The following LIN9 variants were observed in gnomAD, a reference collection of about 807,000 sequenced individuals.
LIN9 encodes protein lin-9 homolog.
In LIN9, 18 loss-of-function variants were observed where a neutral mutation model predicts 78.0. The observed-to-expected ratio is 0.23, with a 90% CI of 0.16 to 0.34. The LOEUF (loss-of-function observed/expected upper bound fraction) is 0.34. Among genes scored for constraint, LIN9 ranks in the 10% least tolerant of loss-of-function variants. The pLI is 1.00. For synonymous variants in LIN9, 192 were observed against 215.2 expected, an observed-to-expected ratio of 0.89 and a Z score of 0.94; for missense variants, 451 against 644.1, an observed-to-expected ratio of 0.70 and a Z score of 3.25.
Position 226,287,752 on chromosome 1 carries a change from T to C in LIN9, c.310A>G (p.Lys104Glu). Residue 104 changes from lysine to glutamate, a missense_variant, in exon 5 of 15, where the codon AAG (lysine) becomes GAG (glutamate). Lys to Glu is a moderately conservative substitution (Grantham distance 56, BLOSUM62 1). Transcript: ENST00000681046. ...AGATTACGTAATCGAAAACCAATCT[T>C]CTGTGAAGCTTTCTTATCTGGTGTT... is the stretch of plus-strand genomic sequence containing the variant. ...MSTPDKKASQ[K>E]IGFRLRNLLK... is the part of the protein sequence containing the mutation. 1 of 1,553,052 alleles carries C rather than the reference T, an allele frequency of 6.4e-7. No individual in the cohort carries two copies. The highest frequency in any genetic ancestry group is 8.6e-7 in the Non-Finnish European group (1 of 1,160,864).
At chr1:226,270,008 C>T (rs1660165045) in intron 7 of LIN9, among the ~76,000 whole-genome samples, 1 of 152,144 alleles carries the variant, frequency 6.6e-6, no homozygotes, top group Non-Finnish European at 1.5e-5. Context: ...CTGCAACCTC[C>T]ACCTCCCGGG....
intron 5 of LIN9, among the ~76,000 whole-genome samples, chr1:226,287,288 A>T (rs975075194): frequency 6.6e-6 from 1 of 152,178 alleles, no homozygotes; most frequent in Non-Finnish European, 1.5e-5. Context: ...TAAAAATCTT[A>T]AGCCATTTTT....
At chr1:226,257,946 G>C (rs1218888354) in intron 10 of LIN9, among the ~76,000 whole-genome samples, 6 of 152,144 alleles carry the variant, frequency 3.9e-5, no homozygotes, top group African/African-American at 7.2e-5. Flanking sequence ...TACTTTGGGA[G>C]GCCGAGGTGG....
chr1:226,244,736 T>G (rs1421816230), intron 11 of LIN9, among the ~76,000 whole-genome samples: 1 of 152,228 alleles, frequency 6.6e-6, no homozygotes, highest in Non-Finnish European at 1.5e-5. Flanking sequence ...CATTTACAAT[T>G]TTTTGCTATT....
chr1:226,252,784 T>G (rs759044931), intron 10 of LIN9, among the ~76,000 whole-genome samples: 2 of 151,214 alleles, frequency 1.3e-5, no homozygotes, highest in African/African-American at 4.9e-5. Flanking sequence ...CTGGCCAACA[T>G]AGTAAAACCC....
intron 6 of LIN9, among the ~76,000 whole-genome samples, chr1:226,278,974 C>A (rs1438352883): frequency 1.1e-3 from 150 of 138,860 alleles, no homozygotes; most frequent in Non-Finnish European, 1.8e-3. Flanking sequence ...AAAAAAAAAA[C>A]CAAAAAACAA....
intron 4 of LIN9, among the ~76,000 whole-genome samples, chr1:226,290,492 C>T (rs1290201323): frequency 6.6e-6 from 1 of 152,002 alleles, no homozygotes; most frequent in Non-Finnish European, 1.5e-5. Context: ...AGGCGCCCGC[C>T]ACCACGCCCG....
intron 12 of LIN9, among the ~76,000 whole-genome samples, chr1:226,236,228 T>C (rs1197516741): frequency 6.6e-6 from 1 of 151,526 alleles, no homozygotes; most frequent in African/African-American, 2.4e-5. Flanking sequence ...AATCGTAAAG[T>C]GTACAGGTTA....
chr1:226,251,195 A>G (rs1407760980), intron 10 of LIN9, among the ~76,000 whole-genome samples: 1 of 151,092 alleles, frequency 6.6e-6, no homozygotes, highest in East Asian at 1.9e-4. Flanking sequence ...CAGGGATTAC[A>G]GGCACACGCA....
chr1:226,281,094 T>C (rs1344329351), intron 6 of LIN9, among the ~76,000 whole-genome samples: 4 of 152,154 alleles, frequency 2.6e-5, no homozygotes, highest in South Asian at 4.1e-4. Flanking sequence ...CCACAAAATA[T>C]AATGAAATCC....
chr1:226,251,986 G>A (rs1202386163), intron 10 of LIN9, among the ~76,000 whole-genome samples: 1 of 152,132 alleles, frequency 6.6e-6, no homozygotes, highest in Non-Finnish European at 1.5e-5. Context: ...GAGATGCAGT[G>A]GCTCACACCT....
intron 10 of LIN9, among the ~76,000 whole-genome samples, chr1:226,256,903 G>GA (rs1659235282): frequency 1.3e-5 from 2 of 151,330 alleles, no homozygotes; most frequent in Non-Finnish European, 1.5e-5. Context: ...CTTTCTCAGA[G>GA]AAAAAAACTT....
intron 4 of LIN9, among the ~76,000 whole-genome samples, chr1:226,291,751 A>C (rs1661808389): frequency 6.6e-6 from 1 of 152,158 alleles, no homozygotes; most frequent in African/African-American, 2.4e-5. Context: ...TATATTTGTC[A>C]AAACTAGTGC....
At chr1:226,250,129 C>A (rs1055076830) in intron 11 of LIN9, among the ~76,000 whole-genome samples, 16 of 150,630 alleles carry the variant, frequency 1.1e-4, no homozygotes, top group Non-Finnish European at 2.1e-4. Context: ...GAGATTGCAC[C>A]ATTGCACTCC....
At chr1:226,249,970 G>C (rs1355480727) in intron 11 of LIN9, among the ~76,000 whole-genome samples, 1 of 152,108 alleles carries the variant, frequency 6.6e-6, no homozygotes, top group Non-Finnish European at 1.5e-5. Context: ...AGGAGTTCCA[G>C]AGCAGCCTGG....
At chr1:226,258,692 T>C (rs1268769837) in intron 10 of LIN9, among the ~76,000 whole-genome samples, 1 of 151,016 alleles carries the variant, frequency 6.6e-6, no homozygotes, top group South Asian at 2.1e-4. Flanking sequence ...AGATCGAGAC[T>C]GTCCTGGCTA....
intron 2 of LIN9, among the ~76,000 whole-genome samples, chr1:226,299,324 T>C (rs913281078): frequency 1.3e-5 from 2 of 151,846 alleles, no homozygotes; most frequent in African/African-American, 4.8e-5. Flanking sequence ...GCCAACATGA[T>C]GAAAACCCAT....
chr1:226,256,750 G>A (rs1659223307), intron 10 of LIN9, among the ~76,000 whole-genome samples: 1 of 151,726 alleles, frequency 6.6e-6, no homozygotes, highest in Non-Finnish European at 1.5e-5. Flanking sequence ...AGTAGAGACA[G>A]GGTTTCACCA....
intron 4 of LIN9, among the ~76,000 whole-genome samples, chr1:226,293,574 T>A (rs1452442263): frequency 1.3e-5 from 2 of 152,236 alleles, no homozygotes; most frequent in Admixed American, 6.5e-5. Context: ...TTATTATTTT[T>A]AAATTTATTT....
Sources: allele counts gnomAD v4.1 joint callset (sites outside exome capture counted in the v4.1 genomes callset), GRCh38; gene constraint gnomAD v4.1.1; transcripts MANE v1.5; gene names NCBI Gene and HGNC (gene_info 2026-07-23, HGNC 2026-07-21).